The following CXXC5 variants were observed in gnomAD, a reference collection of about 807,000 sequenced individuals.
The protein encoded by CXXC5 is CXXC-type zinc finger protein 5.
A neutral mutation model predicts 17.6 loss-of-function variants in CXXC5; 2 were observed. That is an observed-to-expected ratio of 0.11 (90% CI 0.05 to 0.36). The LOEUF is 0.36. Among genes scored for constraint, CXXC5 ranks in the 10% least tolerant of loss-of-function variants. CXXC5 has a pLI of 1.00. For synonymous variants in CXXC5, 171 were observed against 193.0 expected, an observed-to-expected ratio of 0.89 and a Z score of 0.94; for missense variants, 343 against 458.3, an observed-to-expected ratio of 0.75 and a Z score of 2.30.
rs530675279 is a variant in CXXC5, at chr5:139,671,505, G to A, written c.-160-8859G>A. Among the ~76,000 whole-genome samples, 12 of 152,342 alleles carry A rather than the reference G, an allele frequency of 7.9e-5. No homozygotes were observed. In the South Asian group the frequency reaches 1.2e-3, roughly 16 times the overall value. On this transcript the variant is annotated intron_variant, in intron 1 of 2. Transcript: ENST00000302517. Reference sequence around the variant, plus strand: ...GGAAACTCAAAACCCTGGGCCAGCCGCGGGTGGCGGGTTGGGGCAGGCACA... The same window carrying A: ...GGAAACTCAAAACCCTGGGCCAGCCACGGGTGGCGGGTTGGGGCAGGCACA...
intron 1 of CXXC5, among the ~76,000 whole-genome samples, chr5:139,674,912 A>G (rs1756694423): frequency 6.6e-6 from 1 of 152,166 alleles, no homozygotes; most frequent in Non-Finnish European, 1.5e-5. Flanking sequence ...CCTCATAGAC[A>G]CACCTCACAT....
In CXXC5 at chr5:139,661,171, CCCGCG is replaced by C. The variant is rs1374730084; in HGVS notation, c.-161+12331_-161+12335del. On this transcript the variant is annotated intron_variant, in intron 1 of 2. Coordinates refer to ENST00000302517, the MANE Select transcript of CXXC5 (RefSeq NM_016463.9). This position sits in a 1 kb window ranked among gnomAD's most constrained non-coding sequence, Gnocchi z 4.7. Reference sequence around the variant, plus strand: ...CAAGCCAGCCTCCCCGCCGCGGCTGCCCGCGCCGCCCCCCCACCTCTTGCGCTGTC... The same window carrying C: ...CAAGCCAGCCTCCCCGCCGCGGCTGCCCGCCCCCCCACCTCTTGCGCTGTC... 6.6e-6 allele frequency among the ~76,000 whole-genome samples: 1 copy of C among 152,164 alleles called. No homozygotes were observed. The highest frequency in any genetic ancestry group is 6.5e-5 in the Admixed American group (1 of 15,280).
chr5:139,668,326 C>T lies in CXXC5; in HGVS notation c.-160-12038C>T, dbSNP rs1008534761. The stretch of plus-strand genomic sequence containing the variant: ...CCAGGCCTTCCCAGGCTGCCCGTCC[C>T]GCCGCGGCTCAGGGCGCCTCCCGGC... On this transcript the variant is annotated intron_variant, in intron 1 of 2. Coordinates refer to ENST00000302517, the MANE Select transcript of CXXC5 (RefSeq NM_016463.9). The surrounding 1 kb of genome is among the most constrained non-coding windows in gnomAD (Gnocchi z 4.1). 6.6e-6 allele frequency among the ~76,000 whole-genome samples: 1 copy of T among 152,092 alleles called. No homozygotes were observed. Among genetic ancestry groups the T allele is most frequent in the Non-Finnish European group, 1.5e-5 (1 of 67,994 alleles).
At chr5:139,657,740 G>A (rs1755564921) in intron 1 of CXXC5, among the ~76,000 whole-genome samples, 1 of 152,204 alleles carries the variant, frequency 6.6e-6, no homozygotes, top group African/African-American at 2.4e-5. Flanking sequence ...CTGGCTGCCG[G>A]CTGGCCTGGG....
intron 1 of CXXC5, among the ~76,000 whole-genome samples, chr5:139,674,784 G>A (rs577895325): frequency 6.6e-6 from 1 of 152,212 alleles, no homozygotes; most frequent in Non-Finnish European, 1.5e-5. Flanking sequence ...GGAGGCCCAG[G>A]TGAGAGGATT....
At chr5:139,679,503 C>G (rs1274055098) in intron 1 of CXXC5, among the ~76,000 whole-genome samples, 1 of 152,126 alleles carries the variant, frequency 6.6e-6, no homozygotes, top group Non-Finnish European at 1.5e-5. Flanking sequence ...CAACCAGGTT[C>G]CTTTGCCTGC....
intron 1 of CXXC5, among the ~76,000 whole-genome samples, chr5:139,671,390 T>C (rs1756459940): frequency 6.6e-6 from 1 of 152,098 alleles, no homozygotes; most frequent in Non-Finnish European, 1.5e-5. Flanking sequence ...GGCCATCCCC[T>C]CTCTTCCTCC....
At chr5:139,675,151 T>C (rs1390441395) in intron 1 of CXXC5, among the ~76,000 whole-genome samples, 1 of 152,192 alleles carries the variant, frequency 6.6e-6, no homozygotes, top group Non-Finnish European at 1.5e-5. Flanking sequence ...CTGCTGTCTC[T>C]CCGGTATCAT....
chr5:139,656,690 G>A (rs568387024), intron 1 of CXXC5, among the ~76,000 whole-genome samples: 64 of 152,314 alleles, frequency 4.2e-4, no homozygotes, highest in African/African-American at 1.3e-3. Context: ...GCTGTAATCA[G>A]TTGCGGCCCC....
intron 1 of CXXC5, among the ~76,000 whole-genome samples, chr5:139,674,448 T>C (rs183072): frequency 0.32 from 49,125 of 151,928 alleles, 8,296 homozygotes; most frequent in Middle Eastern, 0.36. Context: ...TGGAAAGTGG[T>C]GCATTGAGCC....
At chr5:139,674,370 A>G (rs1045870562) in intron 1 of CXXC5, among the ~76,000 whole-genome samples, 3 of 152,188 alleles carry the variant, frequency 2.0e-5, no homozygotes, top group Non-Finnish European at 4.4e-5. Context: ...AGGCAGGCCA[A>G]GGAGACCGGC....
At chr5:139,673,309 T>G (rs1756582288) in intron 1 of CXXC5, among the ~76,000 whole-genome samples, 1 of 152,068 alleles carries the variant, frequency 6.6e-6, no homozygotes, top group Non-Finnish European at 1.5e-5. Context: ...AGAGGCCAGT[T>G]TTTTCCCAAG....
chr5:139,682,911 CGGCGG>C lies in CXXC5; in HGVS notation c.*5_*9del, dbSNP rs769471110. On this transcript the variant is annotated 3_prime_UTR_variant, in exon 3 of 3. Coordinates refer to ENST00000302517, the MANE Select transcript of CXXC5 (RefSeq NM_016463.9). ...CGCCTTCCGGTGGTTTCAGTGACGGCGGCGGAACCCAAAGCTGCCCTCTCCGTGCA... is the reference window on the plus strand; with the variant it reads ...CGCCTTCCGGTGGTTTCAGTGACGGCAACCCAAAGCTGCCCTCTCCGTGCA... 2 of 1,589,450 alleles carry C rather than the reference CGGCGG, an allele frequency of 1.3e-6. No individual in the cohort carries two copies. The highest frequency in any genetic ancestry group is 2.3e-5 in the South Asian group (2 of 87,804).
rs916404706 is a variant in CXXC5, at chr5:139,658,185, C to G, written c.-161+9340C>G. On this transcript the variant is annotated intron_variant, in intron 1 of 2. Transcript: ENST00000302517. The surrounding 1 kb of genome is among the most constrained non-coding windows in gnomAD (Gnocchi z 4.1). ...GCTCATAGCAGTAGGCAGAAGTGGACCTGGCCCCCTTTCTTCCTGGGGCGG... is the reference window on the plus strand; with the variant it reads ...GCTCATAGCAGTAGGCAGAAGTGGAGCTGGCCCCCTTTCTTCCTGGGGCGG... Among the ~76,000 whole-genome samples the G allele has an allele frequency of 7.9e-5, 12 of 152,110 alleles. No homozygotes were observed. Among genetic ancestry groups the G allele is most frequent in the Non-Finnish European group, 1.2e-4 (8 of 68,022 alleles).
chr5:139,680,237 G>A lies in CXXC5; in HGVS notation c.-160-127G>A, dbSNP rs1231099670. 4 of 505,630 alleles carry A rather than the reference G, an allele frequency of 7.9e-6. No homozygotes were observed. In the Admixed American group the frequency reaches 1.4e-4, roughly 18 times the overall value. The allele number at this position is 505,630 out of a possible 1,614,324, so 31.3% of individuals were successfully genotyped here. A position where few individuals can be genotyped will look rare whatever the true frequency, so the allele number is the denominator to read the frequency against. On this transcript the variant is annotated intron_variant, in intron 1 of 2. Coordinates refer to ENST00000302517, the MANE Select transcript of CXXC5 (RefSeq NM_016463.9). Reference sequence around the variant, plus strand: ...GAAATTTCTCACCAGGATGGATCTGGTGCTTAATAAATGCCTGGTCAAGCA... The same window carrying A: ...GAAATTTCTCACCAGGATGGATCTGATGCTTAATAAATGCCTGGTCAAGCA...
At chr5:139,672,234 C>T (rs528408875) in intron 1 of CXXC5, among the ~76,000 whole-genome samples, 1 of 152,338 alleles carries the variant, frequency 6.6e-6, no homozygotes, top group South Asian at 2.1e-4. Context: ...TCTCCTGCCT[C>T]AGCCTCCCGA....
At chr5:139,650,955 C>T (rs1487863938) in intron 1 of CXXC5, 1 of 152,272 alleles carries the variant, frequency 6.6e-6, no homozygotes, top group Non-Finnish European at 1.5e-5. Context: ...AAATTGTCCT[C>T]TCCTTGGGGA....
In CXXC5 at chr5:139,683,379, G is replaced by GA. The variant is rs1454828070; in HGVS notation, c.*475dup. On this transcript the variant is annotated 3_prime_UTR_variant, in exon 3 of 3. Coordinates refer to ENST00000302517, the MANE Select transcript of CXXC5 (RefSeq NM_016463.9). ...ACTTCCTTTGATTCTTTCCGACCAT[G>GA]AAATAGTGCATAGTTTGCCTGGAGA... is the stretch of plus-strand genomic sequence containing the variant. 6.5e-6 allele frequency: 1 copy of GA among 152,780 alleles called. No individual in the cohort carries two copies. Among genetic ancestry groups the GA allele is most frequent in the Non-Finnish European group, 1.5e-5 (1 of 68,276 alleles). 9.5% of individuals were successfully genotyped at this position (152,780 alleles called of 1,614,324 possible).
chr5:139,678,412 C>T (rs1756984408), intron 1 of CXXC5, among the ~76,000 whole-genome samples: 1 of 152,196 alleles, frequency 6.6e-6, no homozygotes, highest in Non-Finnish European at 1.5e-5. Flanking sequence ...CTGCCAGGGC[C>T]CCCCGGCTCT....
Sources: allele counts gnomAD v4.1 joint callset (sites outside exome capture counted in the v4.1 genomes callset), GRCh38; gene constraint gnomAD v4.1.1; non-coding constraint Gnocchi (gnomAD v3.1); transcripts MANE v1.5; gene names NCBI Gene and HGNC (gene_info 2026-07-23, HGNC 2026-07-21).